TRIOBP: variants seen among roughly 807,000 people sequenced by gnomAD.
TRIOBP encodes TRIO and F-actin-binding protein.
In TRIOBP, 169 loss-of-function variants were observed where a neutral mutation model predicts 238.8. The observed-to-expected ratio is 0.71, with a 90% confidence interval of 0.62 to 0.80. The LOEUF is 0.80. Among genes scored for constraint, TRIOBP ranks in the 30% least tolerant of loss-of-function variants. TRIOBP has a pLI of 0.00. For missense variants in TRIOBP, 2,838 were observed against 3,122.6 expected, an observed-to-expected ratio of 0.91 and a Z score of 2.17; for synonymous variants, 1,150 against 1,274.4, an observed-to-expected ratio of 0.90 and a Z score of 2.08.
At position 37,734,946 on chromosome 22, in the gene TRIOBP, T is replaced by C. The variant is rs368132240; in HGVS notation, c.4610T>C (p.Val1537Ala). The change falls in exon 9 of 24, where the codon GTG (valine) becomes GCG (alanine). Residue 1537 changes from valine to alanine, a missense_variant. By Grantham distance (64) the Val-to-Ala change is moderately conservative. This residue lies in a region of TRIOBP where 2,096 missense variants were observed against 2,137.4 expected (regional missense o/e 0.98). Transcript: ENST00000644935. ...TGGCACTCTGGGACACCCACTGCTG[T>C]GGGCTGGGGGGCAGAGGGAGCGTGT... ...QSWHSGTPTAVGWGAEGACPY... is the reference protein window; with the variant it reads ...QSWHSGTPTAAGWGAEGACPY... The C allele has an allele frequency of 1.9e-6, 3 of 1,613,200 alleles. No homozygotes were observed. The highest frequency in any genetic ancestry group is 2.7e-5 in the African/African-American group (2 of 74,898).
At position 37,715,842 on chromosome 22, in the gene TRIOBP, G is replaced by T. The variant is rs773013563; in HGVS notation, c.536G>T (p.Arg179Leu). ...ELAVMIPRRP[R>L]EGPRADSSQR... ...GCAGTGATGATCCCGAGGAGGCCTC[G>T]GGAGGGGCCGAGAGCTGACAGCTCC... The change falls in exon 6 of 24, where the codon CGG becomes CTG. Residue 179 changes from arginine to leucine, a missense_variant. Transcript: ENST00000644935. 11 of 1,613,894 alleles carry T rather than the reference G, an allele frequency of 6.8e-6. No homozygotes were observed. The Admixed American group carries it at 1.7e-4, about 24-fold the overall frequency.
chr22:37,755,132 G>A lies in TRIOBP; in HGVS notation c.5519G>A (p.Arg1840His), dbSNP rs376340052. The change falls in exon 14 of 24, where the codon CGT (arginine) becomes CAT (histidine). Residue 1840 changes from arginine (R) to histidine (H), a missense_variant. This residue lies in a region of TRIOBP where 2,096 missense variants were observed against 2,137.4 expected (regional missense o/e 0.98). Transcript: ENST00000644935. ...ADELDGEIDLRSCTDVTEYAV... is the reference protein window; with the variant it reads ...ADELDGEIDLHSCTDVTEYAV... The stretch of plus-strand genomic sequence containing the variant: ...GAGCTGGATGGTGAGATCGACCTGC[G>A]TTCCTGCACGGATGTCACTGAGTAC... The A allele has an allele frequency of 1.9e-5, 31 of 1,613,696 alleles. No individual in the cohort carries two copies. Among genetic ancestry groups the A allele is most frequent in the Non-Finnish European group, 2.4e-5 (28 of 1,179,906 alleles).
intron 7 of TRIOBP, among the ~76,000 whole-genome samples, chr22:37,729,513 T>A (rs1174041283): frequency 6.6e-6 from 1 of 152,186 alleles, no homozygotes; most frequent in Non-Finnish European, 1.5e-5. Context: ...CTATTTCTTG[T>A]CTAATGTCAA....
intron 3 of TRIOBP, among the ~76,000 whole-genome samples, chr22:37,706,529 G>A (rs562233068): frequency 5.9e-5 from 9 of 152,238 alleles, no homozygotes; most frequent in East Asian, 3.9e-4. Flanking sequence ...AATGGCTCCC[G>A]CCTGTGATCA....
chr22:37,741,375 G>A (rs773700660), intron 11 of TRIOBP, among the ~76,000 whole-genome samples: 1 of 152,216 alleles, frequency 6.6e-6, no homozygotes. Flanking sequence ...GAGCTTATAA[G>A]TGGCTCTGGG....
rs781689611 is a variant in TRIOBP at position 37,740,943 on chromosome 22, C to T, written c.5233C>T (p.Arg1745Ter). The change falls in exon 11 of 24, where the codon CGA becomes TGA. Residue 1745 changes from arginine to a stop codon, truncating the protein, a stop_gained. Transcript: ENST00000644935. LOFTEE classifies it high-confidence loss of function. Reference sequence around the variant, plus strand: ...CAAGGCTGGGAGCCCGCTCAAGGGCCGACTGGTGACCTCATGGCGGATGCC... The same window carrying T: ...CAAGGCTGGGAGCCCGCTCAAGGGCTGACTGGTGACCTCATGGCGGATGCC... ...EGKAGSPLKG[R>*]LVTSWRMPGD... The T allele has an allele frequency of 1.3e-5, 20 of 1,568,930 alleles. No individual in the cohort carries two copies. The highest frequency in any genetic ancestry group is 2.7e-5 in the African/African-American group (2 of 74,302).
chr22:37,725,733 A>G lies in TRIOBP; in HGVS notation c.3177A>G (p.Ile1059Met), dbSNP rs575383573. Residue 1059 changes from isoleucine to methionine, a missense_variant, in exon 7 of 24, where the codon ATA (isoleucine) becomes ATG (methionine). By Grantham distance (10) the Ile-to-Met change is conservative (BLOSUM62 1). This residue lies in a region of TRIOBP where 2,096 missense variants were observed against 2,137.4 expected (regional missense o/e 0.98). Coordinates refer to ENST00000644935, the MANE Select transcript of TRIOBP (RefSeq NM_001039141.3). ...CGCCCCACCACGAGCCTCCCTATATACCACCTGCTGTGTGCATTGGACACC... is the reference window on the plus strand; with the variant it reads ...CGCCCCACCACGAGCCTCCCTATATGCCACCTGCTGTGTGCATTGGACACC... ...SEPPHHEPPY[I>M]PPAVCIGHRD... The G allele has an allele frequency of 6.2e-7, 1 of 1,603,788 alleles. No individual in the cohort carries two copies. The highest frequency in any genetic ancestry group is 1.1e-5 in the South Asian group (1 of 90,554).
chr22:37,718,931 C>T (rs1398939248), intron 6 of TRIOBP, among the ~76,000 whole-genome samples: 2 of 145,596 alleles, frequency 1.4e-5, no homozygotes, highest in African/African-American at 5.1e-5. Context: ...ATTGCAACCT[C>T]CACCTCCTGG....
intron 5 of TRIOBP, among the ~76,000 whole-genome samples, chr22:37,713,968 GAC>G (rs1320756712): frequency 6.6e-6 from 1 of 151,864 alleles, no homozygotes; most frequent in Non-Finnish European, 1.5e-5. Context: ...AAAGGAAAAT[GAC>G]AGGGGGTGGT....
chr22:37,710,399 C>T, intron 3 of TRIOBP, 28 bp from the exon 4 acceptor site: 2 of 1,612,298 alleles, frequency 1.2e-6, no homozygotes, highest in Non-Finnish European at 1.7e-6. Context: ...GGGCGCTGAG[C>T]TGTCTCCTCT....
chr22:37,761,698 G>A (rs530889332), intron 17 of TRIOBP, among the ~76,000 whole-genome samples: 2 of 152,174 alleles, frequency 1.3e-5, no homozygotes, highest in African/African-American at 2.4e-5. Flanking sequence ...TGAGGCTGGG[G>A]CTGCTGCTCC....
At chr22:37,713,129 T>G in intron 4 of TRIOBP, 81 bp from the exon 5 acceptor site, 1 of 1,304,214 alleles carries the variant, frequency 7.7e-7, no homozygotes, top group Non-Finnish European at 1.1e-6. Flanking sequence ...AGGCTCCCTG[T>G]GTGAGTGAGT....
chr22:37,698,401 G>A (rs111869862), intron 2 of TRIOBP, among the ~76,000 whole-genome samples: 6,973 of 123,888 alleles, frequency 0.056, 227 homozygotes, highest in Middle Eastern at 0.11. Context: ...TGCCCAGGCT[G>A]GAGTGCAGCG....
intron 17 of TRIOBP, among the ~76,000 whole-genome samples, chr22:37,761,369 G>A (rs995854264): frequency 2.6e-5 from 4 of 152,012 alleles, no homozygotes; most frequent in African/African-American, 7.3e-5. Context: ...CAGGAGAATC[G>A]CTTGAACCCG....
intron 21 of TRIOBP, among the ~76,000 whole-genome samples, chr22:37,771,447 A>G (rs1212561113): frequency 6.6e-6 from 1 of 152,088 alleles, no homozygotes; most frequent in African/African-American, 2.4e-5. Context: ...CGGGCTGGAC[A>G]GGGGTGAGAG....
rs372851349 is a variant in TRIOBP at position 37,725,305 on chromosome 22, G to C, written c.2749G>C (p.Asp917His). ...GTTTCCCCTCCGGCCAACTCAGAGT[G>C]ATGGTCCCCGAACCTCTTCCCCATC... Reference protein sequence around the residue: ...ASFPLRPTQSDGPRTSSPSRS... With the variant: ...ASFPLRPTQSHGPRTSSPSRS... The change falls in exon 7 of 24, where the codon GAT becomes CAT. Residue 917 changes from aspartate (D) to histidine (H), a missense_variant. Around this residue, in one of 5 missense-constraint regions of TRIOBP, gnomAD observed 2,096 missense variants for 2,137.4 expected, o/e 0.98. Coordinates refer to ENST00000644935, the MANE Select transcript of TRIOBP (RefSeq NM_001039141.3). 1.9e-6 allele frequency: 3 copies of C among 1,613,756 alleles called. No individual in the cohort carries two copies. The highest frequency in any genetic ancestry group is 2.5e-6 in the Non-Finnish European group (3 of 1,180,020).
intron 17 of TRIOBP, chr22:37,760,299 G>A (rs955365907): frequency 4.6e-5 from 7 of 152,174 alleles, no homozygotes; most frequent in African/African-American, 1.4e-4. Context: ...ACTTGCTTAA[G>A]TCTAGACAAT....
chr22:37,719,752 G>A lies in TRIOBP; in HGVS notation c.629-3433G>A, dbSNP rs192674031. On this transcript the variant is annotated intron_variant, in intron 6 of 23. Coordinates refer to ENST00000644935, the MANE Select transcript of TRIOBP (RefSeq NM_001039141.3). ...CACCTCGCTCTCCTTTGCTGAGGCC[G>A]CCTCCTCTGCTTCACTTTTAAATAT... Among the ~76,000 whole-genome samples the A allele has an allele frequency of 3.3e-5, 5 of 151,996 alleles. No individual in the cohort carries two copies. In the East Asian group the frequency reaches 5.8e-4, roughly 18 times the overall value.
intron 13 of TRIOBP, 21 bp downstream of exon 13, chr22:37,755,005 A>C: frequency 6.2e-7 from 1 of 1,612,762 alleles, no homozygotes; most frequent in Non-Finnish European, 8.5e-7. Flanking sequence ...GGGTGTACTG[A>C]TGAACCCCCG....
Sources: allele counts gnomAD v4.1 joint callset (sites outside exome capture counted in the v4.1 genomes callset), GRCh38; gene constraint gnomAD v4.1.1; regional missense constraint gnomAD v4.1.1; transcripts MANE v1.5; gene names NCBI Gene and HGNC (gene_info 2026-07-23, HGNC 2026-07-21).